Variants in ADGB observed in about 807,000 individuals in gnomAD.
The protein encoded by ADGB is androglobin.
Under a neutral mutation model 210.5 loss-of-function variants are expected in ADGB, and 172 were observed. The observed-to-expected ratio is 0.82, with a 90% CI of 0.72 to 0.93. The LOEUF is 0.93. ADGB is among the 40% of genes least tolerant of loss of function. The probability of loss-of-function intolerance (pLI) is 0.00; values close to 1 mark genes in which losing one functional copy is unlikely to be tolerated. For synonymous variants in ADGB, 658 were observed against 662.7 expected (o/e 0.99, Z 0.11); for missense variants, 2,025 against 1,964.8 (o/e 1.03, Z -0.58).
At chr6:146,801,426 C>T (rs1023767404) in intron 34 of ADGB, 147 bp downstream of exon 34, 24 of 450,810 alleles carry the variant, frequency 5.3e-5, no homozygotes, top group Non-Finnish European at 8.4e-5. Flanking sequence ...ACACCTGCTA[C>T]CATTATTTAA....
Position 146,726,597 on chromosome 6 carries a change from T to C in ADGB, c.2352+400T>C, listed in dbSNP as rs542560853. Among the ~76,000 whole-genome samples the C allele has an allele frequency of 3.3e-5, 5 of 152,302 alleles. No homozygotes were observed. In the East Asian group the frequency reaches 9.7e-4, roughly 29 times the overall value. On this transcript the variant is annotated intron_variant, in intron 19 of 35. Transcript: ENST00000397944. ...CATTTTTATTTTATACTCAACTTAC[T>C]TTTTTTACCTTTTAAAACTATTAAG... is the stretch of plus-strand genomic sequence containing the variant.
At chr6:146,640,237 A>C (rs1456231250) in intron 2 of ADGB, among the ~76,000 whole-genome samples, 1 of 152,028 alleles carries the variant, frequency 6.6e-6, no homozygotes, top group Non-Finnish European at 1.5e-5. Context: ...GAACAGACCA[A>C]TAACAAGCTC....
chr6:146,782,203 A>G lies in ADGB; in HGVS notation c.4035+11A>G. Reference sequence around the variant, plus strand: ...CGCTTTGAGCCTCAGGTGGGTGTGGAATTTTTTTTATTTGAGTGACTTAAT... The same window carrying G: ...CGCTTTGAGCCTCAGGTGGGTGTGGGATTTTTTTTATTTGAGTGACTTAAT... On this transcript the variant is annotated intron_variant, in intron 30 of 35. Transcript: ENST00000397944. 2 of 1,510,360 alleles carry G rather than the reference A, an allele frequency of 1.3e-6. No homozygotes were observed. Among genetic ancestry groups the G allele is most frequent in the Non-Finnish European group, 1.8e-6 (2 of 1,133,422 alleles). The allele number at this position is 1,510,360 out of a possible 1,614,324, so 93.6% of individuals were successfully genotyped here. A position where few individuals can be genotyped will look rare whatever the true frequency, so the allele number is the denominator to read the frequency against.
At chr6:146,671,122 G>T (rs563105872) in intron 7 of ADGB, among the ~76,000 whole-genome samples, 43 of 152,304 alleles carry the variant, frequency 2.8e-4, no homozygotes, top group African/African-American at 9.6e-4. Flanking sequence ...GATCTAGATA[G>T]ATAGGCCTTT....
chr6:146,603,288 C>T (rs1780586261), intron 1 of ADGB, among the ~76,000 whole-genome samples: 1 of 152,222 alleles, frequency 6.6e-6, no homozygotes, highest in South Asian at 2.1e-4. Context: ...CAATTAGATG[C>T]CGCTGGAGGG....
intron 10 of ADGB, among the ~76,000 whole-genome samples, chr6:146,687,326 C>A (rs1776246198): frequency 6.6e-6 from 1 of 152,108 alleles, no homozygotes; most frequent in African/African-American, 2.4e-5. Flanking sequence ...ATGCTACTGG[C>A]CTACGTGCTG....
chr6:146,652,981 C>T (rs778544567), intron 3 of ADGB, among the ~76,000 whole-genome samples: 26 of 152,092 alleles, frequency 1.7e-4, no homozygotes, highest in African/African-American at 2.4e-4. Flanking sequence ...GAGCAGCGGG[C>T]GAACAAGCAA....
chr6:146,630,536 T>A lies in ADGB; in HGVS notation c.75-4839T>A, dbSNP rs115354825. 6.4e-4 allele frequency among the ~76,000 whole-genome samples: 97 copies of A among 152,066 alleles called. 1 individual carries two copies. The highest frequency in any genetic ancestry group is 2.2e-3 in the African/African-American group (90 of 41,378). On this transcript the variant is annotated intron_variant, in intron 1 of 35. Coordinates refer to ENST00000397944, the MANE Select transcript of ADGB (RefSeq NM_024694.4). ...CAGCCTGGGCAACATAGTGAGACCC[T>A]GCTTCTTAAAAAACAAACAAACAAA...
chr6:146,736,132 C>T (rs1419116677), intron 22 of ADGB, among the ~76,000 whole-genome samples: 1 of 152,086 alleles, frequency 6.6e-6, no homozygotes, highest in Non-Finnish European at 1.5e-5. Context: ...TCCTATTAGC[C>T]ATTTTTCTTT....
chr6:146,766,751 G>A (rs542260500), intron 28 of ADGB, among the ~76,000 whole-genome samples: 1 of 152,074 alleles, frequency 6.6e-6, no homozygotes, highest in Admixed American at 6.6e-5. Context: ...AGAAATTAAT[G>A]TAATCCTGAT....
chr6:146,638,325 G>A (rs1027308223), intron 2 of ADGB, among the ~76,000 whole-genome samples: 2 of 151,842 alleles, frequency 1.3e-5, no homozygotes, highest in African/African-American at 4.8e-5. Flanking sequence ...ATAAAAAGCT[G>A]TTCTTATAGC....
intron 28 of ADGB, among the ~76,000 whole-genome samples, chr6:146,764,735 T>C (rs554402789): frequency 3.9e-5 from 6 of 152,314 alleles, no homozygotes; most frequent in South Asian, 4.1e-4. Context: ...AGTTTCATGA[T>C]AGAATGTTAG....
At chr6:146,696,815 AG>A (rs949224852) in intron 12 of ADGB, among the ~76,000 whole-genome samples, 2 of 152,268 alleles carry the variant, frequency 1.3e-5, no homozygotes, top group Admixed American at 6.5e-5. Flanking sequence ...AGAGAGCCAG[AG>A]AGGCTTGGTG....
rs1387671382 is a variant in ADGB, at chr6:146,788,599, A to G, written c.4526A>G (p.Lys1509Arg). Residue 1509 changes from lysine to arginine, a missense_variant, in exon 33 of 36, where the codon AAG (lysine) becomes AGG (arginine). Lys to Arg is a conservative substitution (Grantham distance 26). Transcript: ENST00000397944. The stretch of plus-strand genomic sequence containing the variant: ...GAAGAGCGCGAGCAGAGCACACGGA[A>G]GGAAAACATTCGTAAGTATTGCTGT... ...GKEEREQSTR[K>R]ENIQTGPRTR... 2 of 1,551,592 alleles carry G rather than the reference A, an allele frequency of 1.3e-6. No homozygotes were observed. The highest frequency in any genetic ancestry group is 2.4e-5 in the East Asian group (1 of 40,910).
chr6:146,614,199 C>CCCTTCCTCCCTT lies in ADGB; in HGVS notation c.74+15105_74+15116dup, dbSNP rs200033088. ...TCTCTCCCTCCCTCCCTCCCTCCCT[C>CCCTTCCTCCCTT]CCTTCCTCCCTTCCTTCCTCCCTTC... On this transcript the variant is annotated intron_variant, in intron 1 of 35. Coordinates refer to ENST00000397944, the MANE Select transcript of ADGB (RefSeq NM_024694.4). Among the ~76,000 whole-genome samples, 18 of 100,972 alleles carry CCCTTCCTCCCTT rather than the reference C, an allele frequency of 1.8e-4. No individual in the cohort carries two copies. The East Asian group carries it at 2.1e-3, about 12-fold the overall frequency. The allele number at this position is 100,972 out of a possible 152,430, so 66.2% of individuals were successfully genotyped here. A position where few individuals can be genotyped will look rare whatever the true frequency, so the allele number is the denominator to read the frequency against.
intron 13 of ADGB, among the ~76,000 whole-genome samples, chr6:146,701,552 A>G: frequency 6.6e-6 from 1 of 151,990 alleles, no homozygotes; most frequent in East Asian, 1.9e-4. Context: ...TTACTATTGT[A>G]AGCAACGGTA....
chr6:146,703,867 GT>G (rs34144862), intron 13 of ADGB, among the ~76,000 whole-genome samples: 64,433 of 147,980 alleles, frequency 0.44, 13,930 homozygotes, highest in East Asian at 0.48. Flanking sequence ...CCTATTTTTA[GT>G]TTTTTTTTTT....
intron 1 of ADGB, among the ~76,000 whole-genome samples, chr6:146,628,218 G>A (rs1781007457): frequency 6.6e-6 from 1 of 151,396 alleles, no homozygotes; most frequent in Non-Finnish European, 1.5e-5. Context: ...AATTGACATT[G>A]TATATTATAT....
At chr6:146,630,465 T>C (rs1781047938) in intron 1 of ADGB, among the ~76,000 whole-genome samples, 1 of 151,932 alleles carries the variant, frequency 6.6e-6, no homozygotes, top group African/African-American at 2.4e-5. Context: ...CCCTGCTACT[T>C]GGGAGGTTGA....
Sources: allele counts gnomAD v4.1 joint callset (sites outside exome capture counted in the v4.1 genomes callset), GRCh38; gene constraint gnomAD v4.1.1; transcripts MANE v1.5; gene names NCBI Gene and HGNC (gene_info 2026-07-23, HGNC 2026-07-21).